TRHDE: variants seen among roughly 807,000 people sequenced by gnomAD.
TRHDE encodes thyrotropin releasing hormone degrading enzyme.
TRHDE carries 72 observed loss-of-function variants against 125.7 expected under a neutral mutation model. That is an observed-to-expected ratio of 0.57 (90% CI 0.47 to 0.70). The LOEUF is 0.70. TRHDE is among the 30% of genes least tolerant of loss of function. The pLI is 0.00. For synonymous variants in TRHDE, 509 were observed against 509.1 expected (o/e 1.00, Z 0.00); for missense variants, 1,110 against 1,327.1 (o/e 0.84, Z 2.54).
intron 2 of TRHDE, among the ~76,000 whole-genome samples, chr12:72,358,476 C>T (rs1870921273): frequency 6.6e-6 from 1 of 151,562 alleles, no homozygotes; most frequent in Non-Finnish European, 1.5e-5. Flanking sequence ...TGACATACAA[C>T]ATTTGTGTTA....
chr12:72,245,652 T>C (rs1878561815), intron 2 of TRHDE, among the ~76,000 whole-genome samples: 3 of 152,064 alleles, frequency 2.0e-5, no homozygotes, highest in South Asian at 4.1e-4. Flanking sequence ...TCTATGTACA[T>C]GGAAATACAC....
At chr12:72,635,161 CTGTTGTT>C (rs1873679978) in intron 15 of TRHDE, among the ~76,000 whole-genome samples, 1 of 151,524 alleles carries the variant, frequency 6.6e-6, no homozygotes, top group Admixed American at 6.6e-5. Flanking sequence ...TCTCCAGCAC[CTGTTGTT>C]TCCTGACTTT....
intron 5 of TRHDE, among the ~76,000 whole-genome samples, chr12:72,490,380 G>A (rs1261715986): frequency 6.6e-6 from 1 of 151,684 alleles, no homozygotes; most frequent in Non-Finnish European, 1.5e-5. Context: ...CACTTGGTAG[G>A]AATATACAGT....
chr12:72,208,383 A>G (rs1020516460), intron 2 of TRHDE, among the ~76,000 whole-genome samples: 1 of 152,188 alleles, frequency 6.6e-6, no homozygotes, highest in Admixed American at 6.5e-5. Flanking sequence ...TTCCACATGA[A>G]TATCCAACCT....
intron 15 of TRHDE, among the ~76,000 whole-genome samples, chr12:72,622,960 T>C (rs10879469): frequency 0.19 from 29,366 of 151,964 alleles, 5,974 homozygotes; most frequent in African/African-American, 0.52. Context: ...TTGAAGACAG[T>C]GATCCAATAT....
chr12:72,309,532 A>G (rs1868440024), intron 2 of TRHDE, among the ~76,000 whole-genome samples: 2 of 152,058 alleles, frequency 1.3e-5, no homozygotes, highest in South Asian at 4.2e-4. Flanking sequence ...AAAAGAGATG[A>G]GATGGTCCAA....
chr12:72,515,286 C>T (rs1377906253), intron 6 of TRHDE, among the ~76,000 whole-genome samples: 1 of 139,530 alleles, frequency 7.2e-6, no homozygotes, highest in Non-Finnish European at 1.5e-5. Context: ...TCTCCACATC[C>T]TCTCCAGCAC....
intron 3 of TRHDE, among the ~76,000 whole-genome samples, chr12:72,398,725 C>A (rs969694071): frequency 6.6e-6 from 1 of 152,108 alleles, no homozygotes; most frequent in African/African-American, 2.4e-5. Context: ...TATTTGGGGT[C>A]CCTATGAAGA....
intron 2 of TRHDE, among the ~76,000 whole-genome samples, chr12:72,350,972 C>G (rs150645058): frequency 6.6e-6 from 1 of 152,036 alleles, no homozygotes; most frequent in African/African-American, 2.4e-5. Context: ...CAATTGCATA[C>G]AATTGACTGT....
intron 15 of TRHDE, among the ~76,000 whole-genome samples, chr12:72,650,564 A>G (rs1326407744): frequency 1.3e-5 from 2 of 152,116 alleles, no homozygotes; most frequent in Non-Finnish European, 2.9e-5. Context: ...CTCTATCCCT[A>G]TATTCTCTCT....
At chr12:72,398,916 G>T (rs922189379) in intron 3 of TRHDE, among the ~76,000 whole-genome samples, 1 of 152,060 alleles carries the variant, frequency 6.6e-6, no homozygotes, top group African/African-American at 2.4e-5. Flanking sequence ...AAACTCTAAG[G>T]CAGGGTTCCC....
intron 15 of TRHDE, among the ~76,000 whole-genome samples, chr12:72,635,334 C>T (rs990488517): frequency 6.6e-6 from 1 of 152,166 alleles, no homozygotes; most frequent in African/African-American, 2.4e-5. Context: ...CCTTTGCCTA[C>T]TTTTTGATGG....
chr12:72,288,883 G>A (rs1185457066), intron 2 of TRHDE, among the ~76,000 whole-genome samples: 1 of 152,040 alleles, frequency 6.6e-6, no homozygotes, highest in Non-Finnish European at 1.5e-5. Flanking sequence ...CATGCTACCA[G>A]AGAACACTGA....
intron 15 of TRHDE, among the ~76,000 whole-genome samples, chr12:72,643,384 G>C (rs143519455): frequency 6.6e-6 from 1 of 152,078 alleles, no homozygotes; most frequent in Non-Finnish European, 1.5e-5. Context: ...GCTATGTGAC[G>C]AACAGCCATT....
At chr12:72,597,663 G>T (rs1191005705) in intron 12 of TRHDE, among the ~76,000 whole-genome samples, 3 of 62,120 alleles carry the variant, frequency 4.8e-5, no homozygotes, top group African/African-American at 1.5e-4. Flanking sequence ...GCAAGACCTT[G>T]TCTAAAAAAA....
intron 3 of TRHDE, among the ~76,000 whole-genome samples, chr12:72,396,294 A>C (rs1872786175): frequency 6.6e-6 from 1 of 152,164 alleles, no homozygotes; most frequent in South Asian, 2.1e-4. Flanking sequence ...TTTTCTCTAC[A>C]GTGTCCATTC....
chr12:72,469,673 A>G (rs1876548943), intron 3 of TRHDE, 85 bp from the exon 4 acceptor site: 2 of 1,423,838 alleles, frequency 1.4e-6, no homozygotes, highest in South Asian at 2.5e-5. Context: ...CCTTATAATT[A>G]GGATTTCTGG....
intron 5 of TRHDE, among the ~76,000 whole-genome samples, chr12:72,489,453 CA>C (rs759659843): frequency 4.6e-5 from 7 of 151,770 alleles, no homozygotes; most frequent in Non-Finnish European, 8.9e-5. Context: ...TGATTCCTCT[CA>C]AAATCCCAAG....
intron 6 of TRHDE, among the ~76,000 whole-genome samples, chr12:72,503,933 T>C (rs1287942051): frequency 6.6e-6 from 1 of 152,198 alleles, no homozygotes; most frequent in Admixed American, 6.5e-5. Flanking sequence ...GTGAAGGTCA[T>C]GAGCTCATCC....
Sources: gnomAD v4.1 joint callset for allele counts (sites outside exome capture counted in the v4.1 genomes callset) on GRCh38, gnomAD v4.1.1 for gene constraint, MANE v1.5 for transcripts, NCBI Gene and HGNC (gene_info 2026-07-23, HGNC 2026-07-21) for gene names.